Variants in FAM98B observed in about 807,000 individuals in gnomAD.
The protein encoded by FAM98B is tRNA splicing ligase complex subunit 3B, also known as tRNA-splicing ligase complex subunit FAM98B.
A neutral mutation model predicts 43.9 loss-of-function variants in FAM98B; 32 were observed. That is an observed-to-expected ratio of 0.73 (90% CI 0.55 to 0.98). The LOEUF is 0.98. Ranked by LOEUF, FAM98B falls within the 50% of genes least tolerant of loss-of-function variation. The pLI, the probability that FAM98B is intolerant of heterozygous loss-of-function variation, is 0.00. For missense variants in FAM98B, 514 were observed against 522.9 expected (o/e 0.98, Z 0.17); for synonymous variants, 190 against 174.0 (o/e 1.09, Z -0.72).
intron 6 of FAM98B, among the ~76,000 whole-genome samples, chr15:38,476,269 G>A (rs1890198036): frequency 6.6e-6 from 1 of 151,878 alleles, no homozygotes; most frequent in South Asian, 2.1e-4. Flanking sequence ...GTGTTTTTGT[G>A]TGACCTGTTA....
rs958207054 is a variant in FAM98B at position 38,484,377 on chromosome 15, T to A, written c.1020T>A (p.Gly340=). ...EGGGGRGGWG[G]GGGGGGRGGG... is the part of the protein sequence containing the mutation. ...GCGGTGGAAGGGGTGGTTGGGGTGGTGGTGGTGGAGGTGGTGGTAGAGGAG... is the reference window on the plus strand; with the variant it reads ...GCGGTGGAAGGGGTGGTTGGGGTGGAGGTGGTGGAGGTGGTGGTAGAGGAG... Residue 340 remains glycine (G), a synonymous_variant, in exon 8 of 8, where the codon GGT becomes GGA. Transcript: ENST00000397609. 8.2e-6 allele frequency: 12 copies of A among 1,456,048 alleles called. No homozygotes were observed. The Admixed American group carries it at 1.4e-4, about 17-fold the overall frequency. 90.2% of individuals were successfully genotyped at this position (1,456,048 alleles called of 1,614,324 possible). A position where few individuals can be genotyped will look rare whatever the true frequency, so the allele number is the denominator to read the frequency against.
chr15:38,470,319 G>C lies in FAM98B; in HGVS notation c.445G>C (p.Glu149Gln). The change falls in exon 4 of 8, where the codon GAA becomes CAA. Residue 149 changes from glutamate (E) to glutamine (Q), a missense_variant. Around this residue, in one of 2 missense-constraint regions of FAM98B, gnomAD observed 469 missense variants for 451.8 expected, o/e 1.04. Transcript: ENST00000397609. ...QLDKNSEVYQ[E>Q]VQAMFDTLGI... The stretch of plus-strand genomic sequence containing the variant: ...AGATAAAAATAGTGAAGTTTATCAG[G>C]AAGTTCAAGCTATGTTTGATACACT... 1 of 1,606,882 alleles carries C rather than the reference G, an allele frequency of 6.2e-7. No homozygotes were observed. The highest frequency in any genetic ancestry group is 8.5e-7 in the Non-Finnish European group (1 of 1,177,514).
intron 1 of FAM98B, chr15:38,459,284 G>A (rs1022646757): frequency 1.4e-5 from 7 of 495,220 alleles, no homozygotes; most frequent in African/African-American, 5.9e-5. Context: ...GGGCAGACAC[G>A]TCCCTGGGAT....
At position 38,468,780 on chromosome 15, in the gene FAM98B, A is replaced by G. The variant is rs868175099; in HGVS notation, c.353-1447A>G. ...GATCTACTGTTCAGAATCTCAGAGG[A>G]TGGGACCCTGGCACCTGTACTTTTA... is the stretch of plus-strand genomic sequence containing the variant. On this transcript the variant is annotated intron_variant, in intron 3 of 7. Transcript: ENST00000397609. Among the ~76,000 whole-genome samples, 5 of 152,160 alleles carry G rather than the reference A, an allele frequency of 3.3e-5. No individual in the cohort carries two copies. In the South Asian group the frequency reaches 1.0e-3, roughly 32 times the overall value.
chr15:38,455,476 C>T (rs1889834015), intron 1 of FAM98B, among the ~76,000 whole-genome samples: 1 of 152,202 alleles, frequency 6.6e-6, no homozygotes, highest in Non-Finnish European at 1.5e-5. Flanking sequence ...ATAATACCTA[C>T]TTTGCAGTGA....
At chr15:38,460,799 G>A (rs778223077) in intron 1 of FAM98B, among the ~76,000 whole-genome samples, 5 of 152,046 alleles carry the variant, frequency 3.3e-5, no homozygotes, top group Non-Finnish European at 5.9e-5. Flanking sequence ...TGGCCATCCC[G>A]GATGAATTAT....
intron 2 of FAM98B, 86 bp downstream of exon 2, chr15:38,464,263 T>C: frequency 7.8e-7 from 1 of 1,276,668 alleles, no homozygotes; most frequent in Non-Finnish European, 1.0e-6. Context: ...ATGTGCCCAC[T>C]GTACAAAGAA....
chr15:38,476,209 T>C (rs1265489642), intron 6 of FAM98B, among the ~76,000 whole-genome samples: 1 of 152,234 alleles, frequency 6.6e-6, no homozygotes, highest in African/African-American at 2.4e-5. Context: ...CATTGCTTCA[T>C]TGTTTTCAAG....
In FAM98B at chr15:38,457,979, AAG is replaced by A. The variant is rs566195250; in HGVS notation, c.71+3751_71+3752del. Among the ~76,000 whole-genome samples the A allele has an allele frequency of 4.8e-4, 73 of 151,268 alleles. 1 individual carries two copies. In the South Asian group the frequency reaches 0.015, roughly 30 times the overall value. ...TTACTTTTTTTTTTTTTTTTTAAGAAAGAGAATTTTCAGAGTCAAAAGAACAG... is the reference window on the plus strand; with the variant it reads ...TTACTTTTTTTTTTTTTTTTTAAGAAAGAATTTTCAGAGTCAAAAGAACAG... On this transcript the variant is annotated intron_variant, in intron 1 of 7. Transcript: ENST00000397609.
At position 38,454,167 on chromosome 15, in the gene FAM98B, A is replaced by AGGGCCGGAGCCG; in HGVS notation, c.9_20dup (p.Glu5_Pro8dup). The AGGGCCGGAGCCG allele has an allele frequency of 3.8e-6, 6 of 1,597,728 alleles. No homozygotes were observed. The highest frequency in any genetic ancestry group is 4.3e-6 in the Non-Finnish European group (5 of 1,173,670). ...CAGCTCTGGGCCAAAGGACCATGAG[A>AGGGCCGGAGCCG]GGGCCGGAGCCGGGTCCCCAACCGA... On this transcript the variant is annotated inframe_insertion, in exon 1 of 8. Coordinates refer to ENST00000397609, the MANE Select transcript of FAM98B (RefSeq NM_173611.4).
rs542030243 is a variant in FAM98B, at chr15:38,485,939, C to T, written c.*1280C>T. On this transcript the variant is annotated 3_prime_UTR_variant, in exon 8 of 8. Coordinates refer to ENST00000397609, the MANE Select transcript of FAM98B (RefSeq NM_173611.4). Reference sequence around the variant, plus strand: ...TGTAAAATCTGTATCTCATTGTAGGCTTCTGGTCAATACCTATACATAACA... The same window carrying T: ...TGTAAAATCTGTATCTCATTGTAGGTTTCTGGTCAATACCTATACATAACA... The T allele has an allele frequency of 6.6e-6, 1 of 152,232 alleles. No individual in the cohort carries two copies. The highest frequency in any genetic ancestry group is 2.1e-4 in the South Asian group (1 of 4,822). The allele number at this position is 152,232 out of a possible 1,614,324, so 9.4% of individuals were successfully genotyped here.
chr15:38,467,225 T>A (rs1388399156), intron 3 of FAM98B, among the ~76,000 whole-genome samples: 2 of 152,214 alleles, frequency 1.3e-5, no homozygotes, highest in Admixed American at 1.3e-4. Context: ...TTCTTCAGTT[T>A]GACTGTTTTA....
In FAM98B at chr15:38,486,276, A is replaced by G. The variant is rs1052497561; in HGVS notation, c.*1617A>G. On this transcript the variant is annotated 3_prime_UTR_variant, in exon 8 of 8. Coordinates refer to ENST00000397609, the MANE Select transcript of FAM98B (RefSeq NM_173611.4). ...TGTAATTTCATTTGTGATAGCTGAA[A>G]AAAAGGCTTTCCATAATTAAGAAAA... 1.3e-5 allele frequency: 2 copies of G among 152,154 alleles called. No homozygotes were observed. Among genetic ancestry groups the G allele is most frequent in the African/African-American group, 4.8e-5 (2 of 41,448 alleles). The allele number at this position is 152,154 out of a possible 1,614,324, so 9.4% of individuals were successfully genotyped here.
intron 2 of FAM98B, 137 bp from the exon 3 acceptor site, chr15:38,465,132 C>T (rs890640295): frequency 2.6e-6 from 2 of 759,966 alleles, no homozygotes; most frequent in African/African-American, 1.8e-5. Context: ...TTAACGTAAG[C>T]TTCGTGATCA....
intron 3 of FAM98B, among the ~76,000 whole-genome samples, 174 bp from the exon 4 acceptor site, chr15:38,470,053 A>G (rs1001301398): frequency 1.3e-5 from 2 of 152,144 alleles, no homozygotes; most frequent in East Asian, 1.9e-4. Context: ...GCTATGGACT[A>G]GGGAATCACT....
chr15:38,457,407 G>C lies in FAM98B; in HGVS notation c.71+3175G>C, dbSNP rs1363832570. On this transcript the variant is annotated intron_variant, in intron 1 of 7. Transcript: ENST00000397609. ...TTGGATACAGAAGAATGTGAAGATA[G>C]GAGAGAGTTGGTAAATATGGAGAAT... Among the ~76,000 whole-genome samples, 3 of 152,280 alleles carry C rather than the reference G, an allele frequency of 2.0e-5. No individual in the cohort carries two copies. The South Asian group carries it at 6.2e-4, about 32-fold the overall frequency.
chr15:38,454,446 C>T (rs569028578), intron 1 of FAM98B, among the ~76,000 whole-genome samples: 1 of 152,338 alleles, frequency 6.6e-6, no homozygotes, highest in East Asian at 1.9e-4. Context: ...GGGTTCGTGG[C>T]CCCCTCTTCG....
chr15:38,464,014 G>T lies in FAM98B; in HGVS notation c.72-18G>T, dbSNP rs1348145748. On this transcript the variant is annotated intron_variant, in intron 1 of 7. Coordinates refer to ENST00000397609, the MANE Select transcript of FAM98B (RefSeq NM_173611.4). ...GATTGGCTTATTTAGTTTTTAACTT[G>T]TATTTCTTCCTTTCTAGGTATAAAG... is the stretch of plus-strand genomic sequence containing the variant. 1.3e-6 allele frequency: 2 copies of T among 1,578,572 alleles called. No homozygotes were observed. The highest frequency in any genetic ancestry group is 3.6e-5 in the Admixed American group (2 of 55,028).
intron 6 of FAM98B, among the ~76,000 whole-genome samples, chr15:38,478,915 A>T (rs561757694): frequency 1.3e-5 from 2 of 152,272 alleles, no homozygotes; most frequent in South Asian, 4.1e-4. Flanking sequence ...TACCCTTTTT[A>T]AAATTAACTC....
Sources: allele counts gnomAD v4.1 joint callset (sites outside exome capture counted in the v4.1 genomes callset), GRCh38; gene constraint gnomAD v4.1.1; regional missense constraint gnomAD v4.1.1; transcripts MANE v1.5; gene names NCBI Gene and HGNC (gene_info 2026-07-23, HGNC 2026-07-21).